GLT8D2: variants seen among roughly 807,000 people sequenced by gnomAD.
GLT8D2 encodes glycosyltransferase 8 domain containing 2, also known as glycosyltransferase 8 domain-containing protein 2.
A neutral mutation model predicts 44.5 loss-of-function variants in GLT8D2; 45 were observed. The ratio of observed to expected loss-of-function variants is 1.01; its 90% CI spans 0.80 to 1.30. The LOEUF is 1.30. GLT8D2 is among the 50% of genes most tolerant of loss of function. GLT8D2 has a pLI of 0.00. For missense variants in GLT8D2, 400 were observed against 430.4 expected (o/e 0.93, Z 0.62); for synonymous variants, 156 against 157.2 (o/e 0.99, Z 0.06).
chr12:104,041,769 G>C (rs1041469964), intron 1 of GLT8D2, among the ~76,000 whole-genome samples: 1 of 152,220 alleles, frequency 6.6e-6, no homozygotes, highest in African/African-American at 2.4e-5. Flanking sequence ...TTGGGGGAAG[G>C]GAGGGGAAGA....
chr12:104,040,704 G>A (rs796795172), intron 1 of GLT8D2, among the ~76,000 whole-genome samples: 67 of 152,116 alleles, frequency 4.4e-4, no homozygotes, highest in African/African-American at 1.5e-3. Flanking sequence ...GATTACAGGC[G>A]TGAGCCACCA....
chr12:104,039,238 A>C (rs1387509529), intron 1 of GLT8D2, among the ~76,000 whole-genome samples: 1 of 152,250 alleles, frequency 6.6e-6, no homozygotes, highest in Non-Finnish European at 1.5e-5. Context: ...GGCATGGGCA[A>C]GGACTTCATG....
chr12:104,037,940 T>C (rs1436357175), intron 1 of GLT8D2, among the ~76,000 whole-genome samples: 1 of 152,140 alleles, frequency 6.6e-6, no homozygotes, highest in African/African-American at 2.4e-5. Context: ...AAAAAGCTTA[T>C]CCACCACGAT....
chr12:104,021,950 A>G (rs372185392), intron 1 of GLT8D2, among the ~76,000 whole-genome samples: 7,647 of 24,750 alleles, frequency 0.31, 1,224 homozygotes, highest in East Asian at 0.6. Flanking sequence ...AAGAAGAAGA[A>G]GAAGAGGAAG....
chr12:104,010,327 A>T (rs1319575479), intron 4 of GLT8D2, among the ~76,000 whole-genome samples: 1 of 152,216 alleles, frequency 6.6e-6, no homozygotes, highest in Non-Finnish European at 1.5e-5. Flanking sequence ...GCCTTTGCAC[A>T]TGATGTTCCT....
chr12:104,058,017 C>G (rs1882330459), intron 1 of GLT8D2, among the ~76,000 whole-genome samples: 1 of 152,168 alleles, frequency 6.6e-6, no homozygotes, highest in Non-Finnish European at 1.5e-5. Flanking sequence ...TGTGGTGCTG[C>G]TGAACAGCCA....
At chr12:104,038,049 G>A (rs1434796083) in intron 1 of GLT8D2, among the ~76,000 whole-genome samples, 3 of 152,212 alleles carry the variant, frequency 2.0e-5, no homozygotes, top group Admixed American at 6.5e-5. Context: ...AAAACCACAT[G>A]ATTATTTCAA....
intron 1 of GLT8D2, among the ~76,000 whole-genome samples, chr12:104,043,110 G>C (rs1014697310): frequency 6.6e-6 from 1 of 152,080 alleles, no homozygotes; most frequent in East Asian, 1.9e-4. Flanking sequence ...CGGGGGACTC[G>C]GCTCACCTGC....
At chr12:104,033,617 T>A (rs1879581588) in intron 1 of GLT8D2, among the ~76,000 whole-genome samples, 1 of 152,182 alleles carries the variant, frequency 6.6e-6, no homozygotes, top group Non-Finnish European at 1.5e-5. Flanking sequence ...TATTGTATAC[T>A]TGAAATCTAC....
chr12:104,011,065 G>A (rs889459961), intron 4 of GLT8D2, among the ~76,000 whole-genome samples: 1 of 152,196 alleles, frequency 6.6e-6, no homozygotes, highest in Non-Finnish European at 1.5e-5. Context: ...CCTCTGCCAG[G>A]TAGAGAAACT....
In GLT8D2 at chr12:104,014,993, T is replaced by C; in HGVS notation, c.112+20A>G. The stretch of plus-strand genomic sequence containing the variant: ...CACATTCCTGGGTATCCCAACTCAA[T>C]GAATTCCATGTCTGCTCACCTGCGT... On this transcript the variant is annotated intron_variant, in intron 4 of 10. Coordinates refer to ENST00000360814, the MANE Select transcript of GLT8D2 (RefSeq NM_001384711.1). 1.9e-6 allele frequency: 3 copies of C among 1,560,888 alleles called. No individual in the cohort carries two copies. In the African/African-American group the frequency reaches 4.1e-5, roughly 21 times the overall value.
chr12:104,004,689 C>T (rs573956088), intron 4 of GLT8D2, among the ~76,000 whole-genome samples: 18 of 152,292 alleles, frequency 1.2e-4, no homozygotes, highest in Admixed American at 4.6e-4. Context: ...TGAAGGATCT[C>T]TTCAAGGAGA....
At chr12:104,046,141 T>C (rs1482173914) in intron 1 of GLT8D2, among the ~76,000 whole-genome samples, 2 of 152,174 alleles carry the variant, frequency 1.3e-5, no homozygotes, top group Admixed American at 1.3e-4. Flanking sequence ...GGCTTTATCC[T>C]TAGACAGAGC....
At chr12:103,998,479 G>A (rs1873783911) in intron 6 of GLT8D2, among the ~76,000 whole-genome samples, 1 of 151,726 alleles carries the variant, frequency 6.6e-6, no homozygotes, top group Non-Finnish European at 1.5e-5. Context: ...GTGCAATCTT[G>A]GCTCACTGCA....
At chr12:104,043,916 C>A (rs117996514) in intron 1 of GLT8D2, among the ~76,000 whole-genome samples, 1,820 of 152,350 alleles carry the variant, frequency 0.012, 16 homozygotes, top group Non-Finnish European at 0.014. Context: ...TTCTGTGGCT[C>A]CACCCTGGCA....
chr12:104,017,616 C>T (rs774318059), intron 3 of GLT8D2, among the ~76,000 whole-genome samples: 4 of 152,176 alleles, frequency 2.6e-5, no homozygotes, highest in South Asian at 2.1e-4. Flanking sequence ...AGCCACTGTG[C>T]CTGGCCTAAA....
chr12:103,991,300 C>T (rs971506056), intron 10 of GLT8D2, among the ~76,000 whole-genome samples: 2 of 152,180 alleles, frequency 1.3e-5, no homozygotes, highest in Admixed American at 6.5e-5. Context: ...TATTCTCCTG[C>T]ATCAGCCTCC....
Position 103,989,380 on chromosome 12 carries a change from C to T in GLT8D2, c.*28G>A, listed in dbSNP as rs1432556986. 20 of 1,556,062 alleles carry T rather than the reference C, an allele frequency of 1.3e-5. No individual in the cohort carries two copies. In the East Asian group the frequency reaches 4.3e-4, roughly 33 times the overall value. On this transcript the variant is annotated 3_prime_UTR_variant, in exon 11 of 11. Transcript: ENST00000360814. ...AAAGGGACAATTCCACATTTCTATA[C>T]AGGGAATATTTTAAGGGTAGAGTTA...
In GLT8D2 at chr12:103,989,595, A is replaced by C. The variant is rs781359673; in HGVS notation, c.881-18T>G. On this transcript the variant is annotated intron_variant, in intron 10 of 10. Coordinates refer to ENST00000360814, the MANE Select transcript of GLT8D2 (RefSeq NM_001384711.1). ...ATTCCAGCCTTCATTGTGTATAGAG[A>C]AAAAATAATAGGCTTGTTAGAGAAT... 7 of 1,579,962 alleles carry C rather than the reference A, an allele frequency of 4.4e-6. No homozygotes were observed. The highest frequency in any genetic ancestry group is 1.2e-5 in the South Asian group (1 of 86,210).
Sources: gnomAD v4.1 joint callset for allele counts (sites outside exome capture counted in the v4.1 genomes callset) on GRCh38, gnomAD v4.1.1 for gene constraint, MANE v1.5 for transcripts, NCBI Gene and HGNC (gene_info 2026-07-23, HGNC 2026-07-21) for gene names.